Variants in BCO1 observed in about 807,000 individuals in gnomAD.
The protein encoded by BCO1 is beta,beta-carotene 15,15'-dioxygenase.
Under a neutral mutation model 56.3 loss-of-function variants are expected in BCO1, and 54 were observed. The ratio of observed to expected loss-of-function variants is 0.96; its 90% CI spans 0.77 to 1.20. The LOEUF is 1.20. BCO1 is among the 50% of genes most tolerant of loss of function. The probability of loss-of-function intolerance (pLI) is 0.00; values close to 1 mark genes in which losing one functional copy is unlikely to be tolerated. For synonymous variants in BCO1, 318 were observed against 266.1 expected (o/e 1.20, Z -1.90); for missense variants, 801 against 690.9 (o/e 1.16, Z -1.79).
chr16:81,279,470 G>A (rs1907742452), intron 7 of BCO1, among the ~76,000 whole-genome samples: 1 of 152,128 alleles, frequency 6.6e-6, no homozygotes, highest in African/African-American at 2.4e-5. Context: ...GGTAATAATA[G>A]TAATAATAAT....
rs550867790 is a variant in BCO1 at position 81,275,713 on chromosome 16, G to A, written c.1102-5144G>A. 9.9e-4 allele frequency among the ~76,000 whole-genome samples: 151 copies of A among 152,342 alleles called. No individual in the cohort carries two copies. In the South Asian group the frequency reaches 0.011, roughly 11 times the overall value. ...CATCTTCCTTCAGCCTTTGGAACCC[G>A]TCCCAAGTGAAAAGTGCTTCCCACA... On this transcript the variant is annotated intron_variant, in intron 7 of 10. Coordinates refer to ENST00000258168, the MANE Select transcript of BCO1 (RefSeq NM_017429.3).
At chr16:81,288,462 A>T (rs1036341792) in intron 10 of BCO1, among the ~76,000 whole-genome samples, 5 of 152,050 alleles carry the variant, frequency 3.3e-5, no homozygotes, top group African/African-American at 4.8e-5. Context: ...AAAGGGTCTC[A>T]CTATGTTTCC....
chr16:81,246,494 G>C (rs952780356), intron 2 of BCO1, among the ~76,000 whole-genome samples: 1 of 152,020 alleles, frequency 6.6e-6, no homozygotes, highest in African/African-American at 2.4e-5. Context: ...TCCTCAATCA[G>C]GTAGGCAAGA....
intron 2 of BCO1, among the ~76,000 whole-genome samples, chr16:81,247,152 G>A (rs1905475171): frequency 6.6e-6 from 1 of 152,140 alleles, no homozygotes; most frequent in African/African-American, 2.4e-5. Flanking sequence ...GTCACACAGT[G>A]GACAGATTTG....
intron 8 of BCO1, among the ~76,000 whole-genome samples, chr16:81,281,507 A>C (rs1430294073): frequency 1.3e-5 from 2 of 152,190 alleles, no homozygotes; most frequent in Non-Finnish European, 2.9e-5. Context: ...GACTTCTGCA[A>C]ATGCTGTCCC....
At chr16:81,279,926 T>C (rs1317397235) in intron 7 of BCO1, among the ~76,000 whole-genome samples, 1 of 152,074 alleles carries the variant, frequency 6.6e-6, no homozygotes, top group Non-Finnish European at 1.5e-5. Context: ...AAAAAAGAAA[T>C]TAAAGTCCCC....
intron 8 of BCO1, among the ~76,000 whole-genome samples, chr16:81,281,794 C>A (rs1200124663): frequency 1.3e-5 from 2 of 152,170 alleles, no homozygotes; most frequent in African/African-American, 4.8e-5. Flanking sequence ...TTAGCCACAT[C>A]CCTGGCCTCT....
intron 1 of BCO1, among the ~76,000 whole-genome samples, chr16:81,239,977 A>G (rs749136455): frequency 2.6e-5 from 4 of 152,188 alleles, no homozygotes; most frequent in African/African-American, 9.7e-5. Flanking sequence ...GGAATTGTTC[A>G]TAAGGAGAGG....
rs771242142 is a variant in BCO1 at position 81,287,378 on chromosome 16, C to G, written c.1386C>G (p.Pro462=). ...GGCCAGCGGAACCCCTGTTTGTGCC[C>G]GCGCCAGGTGCCAAGGATGAGGATG... The part of the protein sequence containing the change: ...DCWPAEPLFV[P]APGAKDEDDG... The change falls in exon 10 of 11, where the codon CCC becomes CCG. Residue 462 remains proline (P), a synonymous_variant. Coordinates refer to ENST00000258168, the MANE Select transcript of BCO1 (RefSeq NM_017429.3). 3.1e-6 allele frequency: 5 copies of G among 1,613,814 alleles called. No homozygotes were observed. The highest frequency in any genetic ancestry group is 4.2e-6 in the Non-Finnish European group (5 of 1,179,950).
intron 2 of BCO1, among the ~76,000 whole-genome samples, chr16:81,255,762 C>G (rs1467698583): frequency 6.6e-6 from 1 of 151,910 alleles, no homozygotes; most frequent in Admixed American, 6.6e-5. Context: ...GCCTCAGCCT[C>G]CCAAAGTGCT....
intron 8 of BCO1, among the ~76,000 whole-genome samples, chr16:81,283,664 T>G (rs1421779247): frequency 6.6e-6 from 1 of 152,124 alleles, no homozygotes; most frequent in Non-Finnish European, 1.5e-5. Context: ...CTTTCTCATT[T>G]GTGGGATTGG....
At chr16:81,251,834 CCACA>C (rs146949793) in intron 2 of BCO1, among the ~76,000 whole-genome samples, 4 of 144,860 alleles carry the variant, frequency 2.8e-5, no homozygotes, top group Non-Finnish European at 4.5e-5. Flanking sequence ...TTATATATAC[CCACA>C]CACACACACA....
At chr16:81,245,849 CTTT>C (rs1176582576) in intron 2 of BCO1, among the ~76,000 whole-genome samples, 5 of 93,368 alleles carry the variant, frequency 5.4e-5, no homozygotes, top group Non-Finnish European at 8.1e-5. Context: ...CCATCTCTGT[CTTT>C]TTTTTTTTTT....
Position 81,245,488 on chromosome 16 carries a change from A to T in BCO1, c.78A>T (p.Ala26=). The change falls in exon 2 of 11, where the codon GCA becomes GCT. Residue 26 remains alanine (A), a synonymous_variant. Transcript: ENST00000258168. The part of the protein sequence containing the change: ...VRAKVTGKIP[A]WLQGTLLRNG... Reference sequence around the variant, plus strand: ...CTCTTTTCTCAGGCAAGATTCCAGCATGGCTGCAGGGAACCCTGCTCCGCA... The same window carrying T: ...CTCTTTTCTCAGGCAAGATTCCAGCTTGGCTGCAGGGAACCCTGCTCCGCA... 3 of 1,614,222 alleles carry T rather than the reference A, an allele frequency of 1.9e-6. No individual in the cohort carries two copies. Among genetic ancestry groups the T allele is most frequent in the Non-Finnish European group, 2.5e-6 (3 of 1,180,038 alleles).
chr16:81,252,508 G>C (rs923058677), intron 2 of BCO1, among the ~76,000 whole-genome samples: 3 of 152,040 alleles, frequency 2.0e-5, no homozygotes, highest in Middle Eastern at 3.2e-3. Context: ...CACCTGCCTC[G>C]GCCTCCCAAA....
intron 1 of BCO1, among the ~76,000 whole-genome samples, chr16:81,243,480 C>CATTCATTT (rs984641760): frequency 2.6e-5 from 4 of 152,060 alleles, no homozygotes; most frequent in African/African-American, 9.7e-5. Flanking sequence ...TTCATTCATT[C>CATTCATTT]ATTTATGAGA....
At chr16:81,271,710 C>T (rs1024347347) in intron 7 of BCO1, among the ~76,000 whole-genome samples, 3 of 152,050 alleles carry the variant, frequency 2.0e-5, no homozygotes, top group African/African-American at 4.8e-5. Context: ...TGTTGTAGTC[C>T]GTATAAGTGC....
chr16:81,248,403 C>CAT (rs1167061596), intron 2 of BCO1, among the ~76,000 whole-genome samples: 1 of 11,862 alleles, frequency 8.4e-5, no homozygotes, highest in African/African-American at 3.7e-4. Context: ...GGCTCCCTCT[C>CAT]ACAAAAAAAA....
intron 10 of BCO1, among the ~76,000 whole-genome samples, chr16:81,289,905 C>G (rs1471985471): frequency 1.3e-5 from 2 of 152,162 alleles, no homozygotes; most frequent in Non-Finnish European, 2.9e-5. Context: ...CACTCCGTCA[C>G]CCAGGCTGGA....
Sources: gnomAD v4.1 joint callset for allele counts (sites outside exome capture counted in the v4.1 genomes callset) on GRCh38, gnomAD v4.1.1 for gene constraint, MANE v1.5 for transcripts, NCBI Gene and HGNC (gene_info 2026-07-23, HGNC 2026-07-21) for gene names.